Variants in TAF5 observed in about 807,000 individuals in gnomAD.
TAF5 encodes TATA-box binding protein associated factor 5, also known as transcription initiation factor TFIID subunit 5.
TAF5 carries 20 observed loss-of-function variants against 80.9 expected under a neutral mutation model. The ratio of observed to expected loss-of-function variants is 0.25; its 90% CI spans 0.17 to 0.36. The LOEUF (loss-of-function observed/expected upper bound fraction) is 0.36, where lower values mean the gene tolerates loss of function less well. TAF5 is among the 10% of genes least tolerant of loss of function. The probability of loss-of-function intolerance (pLI) is 1.00; values close to 1 mark genes in which losing one functional copy is unlikely to be tolerated. For missense variants in TAF5, 863 were observed against 1,029.4 expected, an observed-to-expected ratio of 0.84 and a Z score of 2.21; for synonymous variants, 388 against 406.4, an observed-to-expected ratio of 0.95 and a Z score of 0.55.
In TAF5 at chr10:103,368,495, CG is replaced by C; in HGVS notation, c.511del (p.Ala171ProfsTer51). On this transcript the variant is annotated frameshift_variant, in exon 1 of 11. Coordinates refer to ENST00000369839, the MANE Select transcript of TAF5 (RefSeq NM_006951.5). LOFTEE classifies it high-confidence loss of function. ...AAPDPPGTGA[S>X]GATVVSGSAS... ...CCCGACCCTCCGGGCACTGGCGCTT[CG>C]GGGGCCACGGTCGTCTCAGGTTCAG... 1 of 1,573,110 alleles carries C rather than the reference CG, an allele frequency of 6.4e-7. No homozygotes were observed. The highest frequency in any genetic ancestry group is 8.6e-7 in the Non-Finnish European group (1 of 1,169,178).
chr10:103,378,296 A>G lies in TAF5; in HGVS notation c.859A>G (p.Lys287Glu), dbSNP rs774661187. Residue 287 changes from lysine (K) to glutamate (E), a missense_variant, in exon 3 of 11, where the codon AAA becomes GAA. Transcript: ENST00000369839. This position sits in a 1 kb window ranked among gnomAD's most constrained non-coding sequence, Gnocchi z 4.1. ...CCTACGAGTATTATCTAGTCTTACC[A>G]AAAAGGAACACATGAAAGGGAATGA... is the stretch of plus-strand genomic sequence containing the variant. ...DDLRVLSSLT[K>E]KEHMKGNETM... The G allele has an allele frequency of 3.1e-6, 5 of 1,614,092 alleles. No individual in the cohort carries two copies. The African/African-American group carries it at 6.7e-5, about 22-fold the overall frequency.
intron 4 of TAF5, 54 bp from the exon 5 acceptor site, chr10:103,379,830 G>A: frequency 1.9e-6 from 3 of 1,602,282 alleles, no homozygotes; most frequent in Non-Finnish European, 2.6e-6. Context: ...GTTATATAGA[G>A]TTCAAGTTTG....
At chr10:103,385,109 A>G (rs1296305619) in intron 7 of TAF5, among the ~76,000 whole-genome samples, 4 of 152,166 alleles carry the variant, frequency 2.6e-5, no homozygotes, top group South Asian at 2.1e-4. Flanking sequence ...TGCTCGGTAT[A>G]TGTAGAGTGT....
chr10:103,379,417 T>C (rs1251733846), intron 3 of TAF5, among the ~76,000 whole-genome samples, 191 bp from the exon 4 acceptor site: 1 of 152,166 alleles, frequency 6.6e-6, no homozygotes, highest in Non-Finnish European at 1.5e-5. Flanking sequence ...ACTGAGCACA[T>C]TGCTACTCCA....
intron 2 of TAF5, among the ~76,000 whole-genome samples, chr10:103,377,923 A>C (rs1377302775): frequency 6.6e-6 from 1 of 152,192 alleles, no homozygotes; most frequent in Non-Finnish European, 1.5e-5. Context: ...AGTTTCTTTT[A>C]AATGTCTCCA....
At chr10:103,383,751 T>C (rs1468430480) in intron 7 of TAF5, among the ~76,000 whole-genome samples, 1 of 152,014 alleles carries the variant, frequency 6.6e-6, no homozygotes, top group Non-Finnish European at 1.5e-5. Context: ...GCTAATTTTA[T>C]TTTTTTATTA....
In TAF5 at chr10:103,368,228, C is replaced by T; in HGVS notation, c.239C>T (p.Pro80Leu). ...GCCGCTGCCCCGGCGGGGGCGGCCCCGGTGCCCGCCGCTGCTCCGGACGCC... is the reference window on the plus strand; with the variant it reads ...GCCGCTGCCCCGGCGGGGGCGGCCCTGGTGCCCGCCGCTGCTCCGGACGCC... The part of the protein sequence containing the change: ...VSAAAPAGAA[P>L]VPAAAPDAGA... Residue 80 changes from proline (P) to leucine (L), a missense_variant, in exon 1 of 11, where the codon CCG becomes CTG. Coordinates refer to ENST00000369839, the MANE Select transcript of TAF5 (RefSeq NM_006951.5). 1 of 1,441,548 alleles carries T rather than the reference C, an allele frequency of 6.9e-7. No individual in the cohort carries two copies. The allele number at this position is 1,441,548 out of a possible 1,614,324, so 89.3% of individuals were successfully genotyped here. A position where few individuals can be genotyped will look rare whatever the true frequency, so the allele number is the denominator to read the frequency against.
intron 6 of TAF5, 22 bp from the exon 7 acceptor site, chr10:103,383,216 C>G (rs1418374280): frequency 6.5e-7 from 1 of 1,531,188 alleles, no homozygotes; most frequent in Non-Finnish European, 8.8e-7. Context: ...TATAAAATAT[C>G]AATATTTCTG....
chr10:103,368,054 C>A lies in TAF5; in HGVS notation c.65C>A (p.Thr22Lys). The A allele has an allele frequency of 1.4e-6, 2 of 1,438,110 alleles. No individual in the cohort carries two copies. The highest frequency in any genetic ancestry group is 3.0e-5 in the Admixed American group (1 of 32,984). The allele number at this position is 1,438,110 out of a possible 1,614,324, so 89.1% of individuals were successfully genotyped here. ...AVKLEPEGPPTLLPPQAGDGA... is the reference protein window; with the variant it reads ...AVKLEPEGPPKLLPPQAGDGA... Reference sequence around the variant, plus strand: ...AAGCTAGAGCCTGAGGGACCGCCAACGCTGCTACCTCCGCAGGCGGGGGAC... The same window carrying A: ...AAGCTAGAGCCTGAGGGACCGCCAAAGCTGCTACCTCCGCAGGCGGGGGAC... The change falls in exon 1 of 11, where the codon ACG becomes AAG. Residue 22 changes from threonine to lysine, a missense_variant. By Grantham distance (78) the Thr-to-Lys change is moderately conservative. This residue lies in a region of TAF5 where 367 missense variants were observed against 335.5 expected (regional missense o/e 1.09). Transcript: ENST00000369839.
intron 1 of TAF5, 80 bp from the exon 2 acceptor site, chr10:103,373,278 C>G: frequency 4.6e-6 from 5 of 1,090,676 alleles, no homozygotes; most frequent in Non-Finnish European, 6.8e-6. Flanking sequence ...AAACAACTCA[C>G]CTGTGGGCTT....
At position 103,380,900 on chromosome 10, in the gene TAF5, C is replaced by T. The variant is rs535077069; in HGVS notation, c.1414-821C>T. Among the ~76,000 whole-genome samples the T allele has an allele frequency of 3.2e-4, 48 of 152,164 alleles. No individual in the cohort carries two copies. The East Asian group carries it at 9.1e-3, about 29-fold the overall frequency. The stretch of plus-strand genomic sequence containing the variant: ...CCTCCCAAAGTGCTGGGATTACAGG[C>T]GTGAGCCACCGTGCCCAGCCATATA... On this transcript the variant is annotated intron_variant, in intron 5 of 10. Coordinates refer to ENST00000369839, the MANE Select transcript of TAF5 (RefSeq NM_006951.5).
rs1592097761 is a variant in TAF5, at chr10:103,388,299, A to G, written c.*76A>G. On this transcript the variant is annotated 3_prime_UTR_variant, in exon 11 of 11. Transcript: ENST00000369839. Reference sequence around the variant, plus strand: ...CTAAAAGCAAATACCTCAGTGATTAATATTTAAGCTACAGAGAATGTTTTT... The same window carrying G: ...CTAAAAGCAAATACCTCAGTGATTAGTATTTAAGCTACAGAGAATGTTTTT... 1 of 1,238,676 alleles carries G rather than the reference A, an allele frequency of 8.1e-7. No individual in the cohort carries two copies. The highest frequency in any genetic ancestry group is 2.3e-5 in the East Asian group (1 of 42,690). 76.7% of individuals were successfully genotyped at this position (1,238,676 alleles called of 1,614,324 possible).
chr10:103,380,428 C>T (rs1349802152), intron 5 of TAF5, among the ~76,000 whole-genome samples: 1 of 151,564 alleles, frequency 6.6e-6, no homozygotes, highest in Admixed American at 6.6e-5. Flanking sequence ...GCATGTGGCC[C>T]CTAAACTCTT....
Position 103,368,181 on chromosome 10 carries a change from C to T in TAF5, c.192C>T (p.Pro64=). The change falls in exon 1 of 11, where the codon CCC becomes CCT. Residue 64 remains proline, a synonymous_variant. Transcript: ENST00000369839. ...SSSTGGDGGT[P]KPTVAVSAAA... is the part of the protein sequence containing the mutation. ...CCACTGGCGGGGATGGCGGGACCCC[C>T]AAGCCCACGGTGGCTGTCTCCGCCG... 7.2e-7 allele frequency: 1 copy of T among 1,394,942 alleles called. No individual in the cohort carries two copies. Among genetic ancestry groups the T allele is most frequent in the Non-Finnish European group, 9.3e-7 (1 of 1,076,094 alleles). The allele number at this position is 1,394,942 out of a possible 1,614,324, so 86.4% of individuals were successfully genotyped here. A position where few individuals can be genotyped will look rare whatever the true frequency, so the allele number is the denominator to read the frequency against.
chr10:103,372,502 T>G (rs2093361820), intron 1 of TAF5, among the ~76,000 whole-genome samples: 1 of 148,596 alleles, frequency 6.7e-6, no homozygotes, highest in Non-Finnish European at 1.5e-5. Flanking sequence ...GCCTGGCTAA[T>G]TTTTTGTGTT....
At chr10:103,375,182 C>T (rs941192628) in intron 2 of TAF5, among the ~76,000 whole-genome samples, 14 of 149,374 alleles carry the variant, frequency 9.4e-5, no homozygotes, top group South Asian at 2.1e-4. Context: ...AATGACTGGG[C>T]GGAGGAGCAG....
intron 10 of TAF5, 140 bp from the exon 11 acceptor site, chr10:103,387,866 C>T (rs1027416617): frequency 8.4e-6 from 9 of 1,071,174 alleles, no homozygotes; most frequent in African/African-American, 3.2e-5. Context: ...CTTGATAATG[C>T]TCCTTAGGAA....
intron 2 of TAF5, among the ~76,000 whole-genome samples, chr10:103,376,205 C>T (rs916672417): frequency 1.3e-5 from 2 of 151,910 alleles, no homozygotes; most frequent in African/African-American, 4.8e-5. Flanking sequence ...AATTCTCCTG[C>T]CTCAGCCTCC....
intron 7 of TAF5, among the ~76,000 whole-genome samples, chr10:103,383,828 T>G (rs968553465): frequency 5.9e-5 from 9 of 152,162 alleles, no homozygotes; most frequent in African/African-American, 2.2e-4. Context: ...TCTGCCCACC[T>G]CAGCCTCCCA....
Sources: gnomAD v4.1 joint callset for allele counts (sites outside exome capture counted in the v4.1 genomes callset) on GRCh38, gnomAD v4.1.1 for gene constraint, gnomAD v4.1.1 regional missense constraint, Gnocchi (gnomAD v3.1) non-coding constraint, MANE v1.5 for transcripts, NCBI Gene and HGNC (gene_info 2026-07-23, HGNC 2026-07-21) for gene names.